Variants in MTRF1 observed in about 807,000 individuals in gnomAD.
MTRF1 encodes mitochondrial translation release factor 1, also known as peptide chain release factor 1, mitochondrial.
MTRF1 carries 51 observed loss-of-function variants against 62.9 expected under a neutral mutation model. The ratio of observed to expected loss-of-function variants is 0.81; its 90% confidence interval spans 0.65 to 1.02. The LOEUF (loss-of-function observed/expected upper bound fraction) is 1.02, where lower values mean the gene tolerates loss of function less well. Among genes scored for constraint, MTRF1 ranks in the 50% least tolerant of loss-of-function variants. The probability of loss-of-function intolerance (pLI) is 0.00; values close to 1 mark genes in which losing one functional copy is unlikely to be tolerated. For synonymous variants in MTRF1, 158 were observed against 181.9 expected, an observed-to-expected ratio of 0.87 and a Z score of 1.06; for missense variants, 446 against 530.0, an observed-to-expected ratio of 0.84 and a Z score of 1.56.
At chr13:41,243,832 A>G (rs2037867891) in intron 5 of MTRF1, among the ~76,000 whole-genome samples, 2 of 152,190 alleles carry the variant, frequency 1.3e-5, no homozygotes, top group Admixed American at 1.3e-4. Flanking sequence ...TACACTACAC[A>G]CCTAACAGTC....
At chr13:41,299,550 G>A in the MTRF1 span, among the ~76,000 whole-genome samples, 10 of 152,148 alleles carry the variant, frequency 6.6e-5, no homozygotes, top group African/African-American at 1.9e-4. Context: ...AATCCAGCTG[G>A]TGTTTCTAGT....
the MTRF1 span, chr13:41,288,153 A>G: frequency 5.9e-6 from 3 of 509,130 alleles, no homozygotes; most frequent in South Asian, 4.4e-5. Context: ...GATGTATCCC[A>G]TAAGCCCAGA....
At chr13:41,266,851 C>T (rs1007951304), upstream of MTRF1, among the ~76,000 whole-genome samples, 7 of 151,700 alleles carry the variant, frequency 4.6e-5, no homozygotes, top group Admixed American at 2.6e-4. Flanking sequence ...AAAAATTAGC[C>T]GGGCGTGGTG....
the MTRF1 span, among the ~76,000 whole-genome samples, chr13:41,297,839 G>C: frequency 6.6e-6 from 1 of 152,034 alleles, no homozygotes; most frequent in Non-Finnish European, 1.5e-5. Flanking sequence ...ACTTCCCAAA[G>C]TGCTGGGATT....
intron 5 of MTRF1, among the ~76,000 whole-genome samples, chr13:41,244,238 A>T (rs74335416): frequency 0.016 from 2,460 of 152,016 alleles, 81 homozygotes; most frequent in African/African-American, 0.056. Context: ...TCTTTCAGTG[A>T]ACTCTCTCTC....
chr13:41,289,425 A>G, the MTRF1 span, among the ~76,000 whole-genome samples: 5 of 152,010 alleles, frequency 3.3e-5, no homozygotes, highest in African/African-American at 1.2e-4. Context: ...TTTAGTAGAG[A>G]TGGGGTTTTG....
At chr13:41,268,527 C>G (rs1162484255), upstream of MTRF1, among the ~76,000 whole-genome samples, 1 of 150,880 alleles carries the variant, frequency 6.6e-6, no homozygotes, top group East Asian at 1.9e-4. Flanking sequence ...GCCTGGGTGA[C>G]AGAGCAAGAC....
chr13:41,283,750 C>A, the MTRF1 span, among the ~76,000 whole-genome samples: 1 of 151,398 alleles, frequency 6.6e-6, no homozygotes, highest in Non-Finnish European at 1.5e-5. Flanking sequence ...CCACTACGCC[C>A]GGCTAACTTT....
At chr13:41,230,623 A>G (rs1411849808) in intron 7 of MTRF1, among the ~76,000 whole-genome samples, 5 of 151,714 alleles carry the variant, frequency 3.3e-5, no homozygotes, top group African/African-American at 1.2e-4. Flanking sequence ...GAAACAAGAG[A>G]AAGTATGAAA....
In MTRF1 at chr13:41,257,833, T is replaced by C. The variant is rs374585388; in HGVS notation, c.415+2660A>G. The C allele has an allele frequency of 1.1e-4, 46 of 437,002 alleles. No individual in the cohort carries two copies. In the East Asian group the frequency reaches 3.0e-3, roughly 29 times the overall value. The allele number at this position is 437,002 out of a possible 1,614,324, so 27.1% of individuals were successfully genotyped here. ...CAAAAAGGGGGAGGGGGAATAATCATATATCCTACCTCATAAGGTTACCTG... is the reference window on the plus strand; with the variant it reads ...CAAAAAGGGGGAGGGGGAATAATCACATATCCTACCTCATAAGGTTACCTG... On this transcript the variant is annotated intron_variant, in intron 2 of 9. Transcript: ENST00000379480.
At chr13:41,218,241 G>A (rs542179834) in intron 9 of MTRF1, among the ~76,000 whole-genome samples, 29 of 150,162 alleles carry the variant, frequency 1.9e-4, no homozygotes, top group Non-Finnish European at 3.7e-4. Context: ...TTAGCTTCCC[G>A]AGTAGCTGGG....
intron 6 of MTRF1, 59 bp downstream of exon 6, chr13:41,240,202 C>A: frequency 6.9e-7 from 1 of 1,458,266 alleles, no homozygotes. Flanking sequence ...GAAGCTAAGG[C>A]TTCCAGCACA....
intron 5 of MTRF1, among the ~76,000 whole-genome samples, chr13:41,242,901 C>G (rs2037715088): frequency 6.6e-6 from 1 of 151,974 alleles, no homozygotes; most frequent in African/African-American, 2.4e-5. Flanking sequence ...CTGGGCAACA[C>G]AGTCAAACTC....
the MTRF1 span, among the ~76,000 whole-genome samples, chr13:41,308,270 A>G: frequency 6.6e-6 from 1 of 152,242 alleles, no homozygotes; most frequent in African/African-American, 2.4e-5. Flanking sequence ...AGTTGGTACT[A>G]TGCTTTTCTT....
At chr13:41,276,550 T>TA in the MTRF1 span, among the ~76,000 whole-genome samples, 1 of 152,218 alleles carries the variant, frequency 6.6e-6, no homozygotes, top group Non-Finnish European at 1.5e-5. Context: ...TATTTTTTTT[T>TA]ATACTTACTG....
chr13:41,255,022 C>G (rs1381098545), intron 2 of MTRF1, among the ~76,000 whole-genome samples: 1 of 152,084 alleles, frequency 6.6e-6, no homozygotes, highest in Non-Finnish European at 1.5e-5. Flanking sequence ...AAGCTACTAG[C>G]TAATTAAATA....
At chr13:41,223,108 AGT>A in intron 9 of MTRF1, 146 bp downstream of exon 9, 2 of 540,332 alleles carry the variant, frequency 3.7e-6, no homozygotes, top group East Asian at 6.2e-5. Flanking sequence ...AACTAATAAA[AGT>A]GTTTGTAAAT....
At chr13:41,267,863 G>GA (rs61467590), upstream of MTRF1, among the ~76,000 whole-genome samples, 84,978 of 149,482 alleles carry the variant, frequency 0.57, 24,247 homozygotes, top group South Asian at 0.62. Context: ...AGAAACTGTT[G>GA]AAAAAAAAAA....
chr13:41,270,494 C>T, the MTRF1 span, among the ~76,000 whole-genome samples: 1 of 152,098 alleles, frequency 6.6e-6, no homozygotes, highest in African/African-American at 2.4e-5. Context: ...TCATGAACAG[C>T]TTTTTTTCTC....
Sources: gnomAD v4.1 joint callset for allele counts (sites outside exome capture counted in the v4.1 genomes callset) on GRCh38, gnomAD v4.1.1 for gene constraint, MANE v1.5 for transcripts, NCBI Gene and HGNC (gene_info 2026-07-23, HGNC 2026-07-21) for gene names.